Variants in SYNE2 observed in about 807,000 individuals in gnomAD.
The protein encoded by SYNE2 is nesprin-2.
SYNE2 carries 431 observed loss-of-function variants against 856.3 expected under a neutral mutation model. The observed-to-expected ratio is 0.50, with a 90% confidence interval of 0.47 to 0.55. SYNE2 has a LOEUF of 0.55. Among genes scored for constraint, SYNE2 ranks in the 20% least tolerant of loss-of-function variants. The pLI, the probability that SYNE2 is intolerant of heterozygous loss-of-function variation, is 0.00. For synonymous variants in SYNE2, 2,923 were observed against 2,872.3 expected, an observed-to-expected ratio of 1.02 and a Z score of -0.56; for missense variants, 8,129 against 8,023.2, an observed-to-expected ratio of 1.01 and a Z score of -0.50.
chr14:63,825,639 C>T (rs1477651251), intron 1 of SYNE2, among the ~76,000 whole-genome samples: 6 of 151,988 alleles, frequency 3.9e-5, no homozygotes, highest in East Asian at 3.9e-4. Context: ...TTTGGGAGGC[C>T]GAGGCAGATG....
At chr14:63,798,043 A>G in intron 1 of SYNE2, among the ~76,000 whole-genome samples, 1 of 152,136 alleles carries the variant, frequency 6.6e-6, no homozygotes. Context: ...AGCATATTAA[A>G]CACCTCTTTT....
At chr14:63,908,770 T>C (rs2153350266) in intron 1 of SYNE2, among the ~76,000 whole-genome samples, 1 of 152,328 alleles carries the variant, frequency 6.6e-6, no homozygotes. Context: ...GATATCAGTT[T>C]GTGTCAACTT....
chr14:63,815,948 C>CTT (rs34053312), intron 1 of SYNE2, among the ~76,000 whole-genome samples: 29 of 128,914 alleles, frequency 2.2e-4, no homozygotes, highest in Non-Finnish European at 3.0e-4. Flanking sequence ...TTAAATTATT[C>CTT]TTTTTTTTTT....
At chr14:64,173,774 A>G in intron 94 of SYNE2, 1 of 534,384 alleles carries the variant, frequency 1.9e-6, no homozygotes, top group Non-Finnish European at 3.3e-6. Flanking sequence ...AGGAAAACAT[A>G]TTTAGAACAG....
chr14:63,799,903 G>A (rs1199169489), intron 1 of SYNE2, among the ~76,000 whole-genome samples: 1 of 152,160 alleles, frequency 6.6e-6, no homozygotes, highest in African/African-American at 2.4e-5. Flanking sequence ...ACTGCCAGAT[G>A]ATCCAGACTG....
intron 98 of SYNE2, 180 bp downstream of exon 98, chr14:64,188,888 A>G (rs1214927244): frequency 1.4e-6 from 1 of 729,250 alleles, no homozygotes; most frequent in East Asian, 2.7e-5. Flanking sequence ...GAGGTTCCAG[A>G]GAGATGGGAG....
intron 69 of SYNE2, 36 bp from the exon 70 acceptor site, chr14:64,122,250 T>C (rs200293941): frequency 1.0e-4 from 164 of 1,614,080 alleles, no homozygotes; most frequent in Non-Finnish European, 1.3e-4. Flanking sequence ...TGTTTAGTGT[T>C]GATTATTCTC....
rs1326965186 is a variant in SYNE2, at chr14:64,024,435, A to G, written c.5816A>G (p.Glu1939Gly). 6.2e-7 allele frequency: 1 copy of G among 1,614,108 alleles called. No homozygotes were observed. The highest frequency in any genetic ancestry group is 8.5e-7 in the Non-Finnish European group (1 of 1,179,966). Residue 1939 changes from glutamate to glycine, a missense_variant, in exon 39 of 116, where the codon GAA becomes GGA. Around this residue, in one of 3 missense-constraint regions of SYNE2, gnomAD observed 2,422 missense variants for 2,357.4 expected, o/e 1.03. Coordinates refer to ENST00000555002, the MANE Select transcript of SYNE2 (RefSeq NM_182914.3). ...TGCCAGGCTCGAGCAAAGGAGCTTG[A>G]AGACTCCTTGCAGCAGCTACTGAGG... Reference protein sequence around the residue: ...SICQARAKELEDSLQQLLRLQ... With the variant: ...SICQARAKELGDSLQQLLRLQ...
At chr14:63,926,542 T>C (rs2095668459) in intron 2 of SYNE2, among the ~76,000 whole-genome samples, 1 of 152,182 alleles carries the variant, frequency 6.6e-6, no homozygotes, top group Non-Finnish European at 1.5e-5. Context: ...CCACAGGCAA[T>C]GCACAATCAA....
At chr14:64,184,189 A>G (rs1202535381) in intron 96 of SYNE2, among the ~76,000 whole-genome samples, 1 of 152,096 alleles carries the variant, frequency 6.6e-6, no homozygotes, top group African/African-American at 2.4e-5. Context: ...TCAGCCGTAC[A>G]TTTTGGTATC....
Position 64,150,291 on chromosome 14 carries a change from CAAAAAAAAAAAAA to C in SYNE2, c.15640-2255_15640-2243del, listed in dbSNP as rs773488742. On this transcript the variant is annotated intron_variant, in intron 84 of 115. Transcript: ENST00000555002. ...TGGGTGACAGAGCAAGATTCTCTCT[CAAAAAAAAAAAAA>C]AAAAAAAAAAAAAAAAAGGATCCTC... Among the ~76,000 whole-genome samples the C allele has an allele frequency of 1.1e-3, 39 of 35,640 alleles. 1 individual carries two copies. The highest frequency in any genetic ancestry group is 0.011 in the South Asian group (7 of 640). 23.4% of individuals were successfully genotyped at this position (35,640 alleles called of 152,430 possible).
At position 64,214,336 on chromosome 14, in the gene SYNE2, G is replaced by A; in HGVS notation, c.19199G>A (p.Gly6400Glu). The change falls in exon 106 of 116, where the codon GGG becomes GAG. Residue 6400 changes from glycine (G) to glutamate (E), a missense_variant. Transcript: ENST00000555002. ...TCCCTGTGTCATCTAGTGGCCCCAGGGCACGAGCGGTCTGGCTGCGAGACC... is the reference window on the plus strand; with the variant it reads ...TCCCTGTGTCATCTAGTGGCCCCAGAGCACGAGCGGTCTGGCTGCGAGACC... ...PQSLCHLVAP[G>E]HERSGCETPV... The A allele has an allele frequency of 1.2e-6, 2 of 1,614,104 alleles. No individual in the cohort carries two copies. The highest frequency in any genetic ancestry group is 2.2e-5 in the South Asian group (2 of 91,074).
intron 99 of SYNE2, among the ~76,000 whole-genome samples, chr14:64,192,718 G>A (rs1226887913): frequency 6.6e-6 from 1 of 152,160 alleles, no homozygotes; most frequent in Non-Finnish European, 1.5e-5. Context: ...CTGAAGCTAA[G>A]CAGCTTACCC....
At chr14:64,117,707 G>A (rs958732452) in intron 66 of SYNE2, among the ~76,000 whole-genome samples, 3 of 152,108 alleles carry the variant, frequency 2.0e-5, no homozygotes, top group African/African-American at 4.8e-5. Context: ...CATCACATGA[G>A]GTTGGGTGTG....
chr14:64,003,345 T>G lies in SYNE2; in HGVS notation c.4397+15T>G. 8 of 1,613,918 alleles carry G rather than the reference T, an allele frequency of 5.0e-6. No individual in the cohort carries two copies. Among genetic ancestry groups the G allele is most frequent in the Non-Finnish European group, 5.9e-6 (7 of 1,179,992 alleles). On this transcript the variant is annotated intron_variant, in intron 30 of 115. Transcript: ENST00000555002. Reference sequence around the variant, plus strand: ...GTGAAACATCGGTAAGTATTGTCCATCCATTTCCATCCAAGGTGACTGACA... The same window carrying G: ...GTGAAACATCGGTAAGTATTGTCCAGCCATTTCCATCCAAGGTGACTGACA...
At chr14:64,114,152 C>T (rs991051234) in intron 66 of SYNE2, among the ~76,000 whole-genome samples, 1 of 151,956 alleles carries the variant, frequency 6.6e-6, no homozygotes, top group African/African-American at 2.4e-5. Flanking sequence ...CTAGGAATGC[C>T]CTGGGTTTTG....
At chr14:64,044,828 T>C (rs191792532) in intron 45 of SYNE2, among the ~76,000 whole-genome samples, 9 of 152,324 alleles carry the variant, frequency 5.9e-5, no homozygotes, top group African/African-American at 1.7e-4. Flanking sequence ...TTGTGAGGCT[T>C]CCCCACCCAC....
chr14:63,783,191 G>A (rs1238220302), intron 1 of SYNE2, among the ~76,000 whole-genome samples: 1 of 152,074 alleles, frequency 6.6e-6, no homozygotes, highest in Admixed American at 6.6e-5. Flanking sequence ...GAGTTCTCGC[G>A]AGATCTGATC....
At chr14:64,144,935 T>C (rs1355359625) in intron 83 of SYNE2, among the ~76,000 whole-genome samples, 1 of 150,208 alleles carries the variant, frequency 6.7e-6, no homozygotes, top group African/African-American at 2.5e-5. Flanking sequence ...TTTTTTTTTT[T>C]TTTTTTTTTG....
Sources: gnomAD v4.1 joint callset for allele counts (sites outside exome capture counted in the v4.1 genomes callset) on GRCh38, gnomAD v4.1.1 for gene constraint, gnomAD v4.1.1 regional missense constraint, MANE v1.5 for transcripts, NCBI Gene and HGNC (gene_info 2026-07-23, HGNC 2026-07-21) for gene names.